Variants in ARHGAP26 observed in about 807,000 individuals in gnomAD.
ARHGAP26 encodes Rho GTPase activating protein 26.
Under a neutral mutation model 104.8 loss-of-function variants are expected in ARHGAP26, and 38 were observed. The ratio of observed to expected loss-of-function variants is 0.36; its 90% confidence interval spans 0.28 to 0.48. The LOEUF is 0.48. ARHGAP26 is among the 20% of genes least tolerant of loss of function. The pLI, the probability that ARHGAP26 is intolerant of heterozygous loss-of-function variation, is 0.99. For synonymous variants in ARHGAP26, 341 were observed against 340.0 expected (o/e 1.00, Z -0.03); for missense variants, 704 against 947.9 (o/e 0.74, Z 3.38).
chr5:142,966,650 T>G (rs1771389315), intron 11 of ARHGAP26, among the ~76,000 whole-genome samples: 1 of 152,228 alleles, frequency 6.6e-6, no homozygotes, highest in Admixed American at 6.5e-5. Context: ...GAAAAATGTA[T>G]TCCAAGTCTG....
chr5:143,023,175 A>G (rs1204266276), intron 12 of ARHGAP26, among the ~76,000 whole-genome samples: 2 of 152,054 alleles, frequency 1.3e-5, no homozygotes, highest in Non-Finnish European at 2.9e-5. Context: ...CTGTACATCC[A>G]CTCATCCTTC....
chr5:142,781,993 G>A (rs576656061), intron 1 of ARHGAP26, among the ~76,000 whole-genome samples: 1 of 152,346 alleles, frequency 6.6e-6, no homozygotes, highest in South Asian at 2.1e-4. Context: ...GGGATTACAG[G>A]CATGAGCCAC....
chr5:142,946,053 A>G (rs757151935), intron 11 of ARHGAP26, among the ~76,000 whole-genome samples: 1 of 152,194 alleles, frequency 6.6e-6, no homozygotes, highest in Non-Finnish European at 1.5e-5. Context: ...CTTGCAGTGT[A>G]TCTGGGAACT....
At chr5:143,199,638 A>C (rs1599481330) in intron 20 of ARHGAP26, among the ~76,000 whole-genome samples, 1 of 152,280 alleles carries the variant, frequency 6.6e-6, no homozygotes, top group South Asian at 2.1e-4. Flanking sequence ...TCTAACCTGG[A>C]AGGGGAACTG....
chr5:142,828,205 A>G (rs1237177304), intron 1 of ARHGAP26, among the ~76,000 whole-genome samples: 2 of 152,210 alleles, frequency 1.3e-5, no homozygotes, highest in African/African-American at 4.8e-5. Context: ...CAGGGGATGA[A>G]GTATCTGTTA....
At chr5:142,818,854 G>A (rs919102318) in intron 1 of ARHGAP26, among the ~76,000 whole-genome samples, 1 of 152,028 alleles carries the variant, frequency 6.6e-6, no homozygotes, top group African/African-American at 2.4e-5. Context: ...GGAGTAATGT[G>A]GAGGGGACCC....
At chr5:142,967,059 C>G (rs546531101) in intron 11 of ARHGAP26, among the ~76,000 whole-genome samples, 2 of 152,060 alleles carry the variant, frequency 1.3e-5, no homozygotes, top group African/African-American at 4.8e-5. Flanking sequence ...CTCACACATA[C>G]GTACAAAAAC....
chr5:143,188,845 G>A (rs1159593390), intron 20 of ARHGAP26, among the ~76,000 whole-genome samples: 1 of 152,242 alleles, frequency 6.6e-6, no homozygotes, highest in Non-Finnish European at 1.5e-5. Context: ...AAAAGGAGGT[G>A]TAATAACTGT....
intron 20 of ARHGAP26, among the ~76,000 whole-genome samples, chr5:143,163,216 G>A (rs752069624): frequency 6.6e-6 from 1 of 152,164 alleles, no homozygotes; most frequent in South Asian, 2.1e-4. Flanking sequence ...CTACGTATGT[G>A]GGGGAGCATT....
intron 18 of ARHGAP26, among the ~76,000 whole-genome samples, chr5:143,129,100 G>A (rs1378757581): frequency 6.6e-6 from 1 of 152,158 alleles, no homozygotes; most frequent in Non-Finnish European, 1.5e-5. Flanking sequence ...GGCCAGAGGG[G>A]GAATCAGTGA....
At chr5:143,114,809 G>C (rs367564227) in intron 17 of ARHGAP26, among the ~76,000 whole-genome samples, 43 of 152,246 alleles carry the variant, frequency 2.8e-4, no homozygotes, top group African/African-American at 1.0e-3. Context: ...TGACCGTGAC[G>C]TATCTCTTAG....
At position 143,055,939 on chromosome 5, in the gene ARHGAP26, T is replaced by C. The variant is rs955487986; in HGVS notation, c.1374-89T>C. 7 of 870,424 alleles carry C rather than the reference T, an allele frequency of 8.0e-6. No homozygotes were observed. In the Admixed American group the frequency reaches 1.6e-4, roughly 19 times the overall value. The allele number at this position is 870,424 out of a possible 1,614,324, so 53.9% of individuals were successfully genotyped here. A position where few individuals can be genotyped will look rare whatever the true frequency, so the allele number is the denominator to read the frequency against. ...GTGATCTTTGTCTTCGAGAAATGTATTACAGTTTGTCAGTCTCTAGGCTGC... is the reference window on the plus strand; with the variant it reads ...GTGATCTTTGTCTTCGAGAAATGTACTACAGTTTGTCAGTCTCTAGGCTGC... On this transcript the variant is annotated intron_variant, in intron 15 of 22. Transcript: ENST00000645722.
At chr5:143,051,741 G>A (rs532221917) in intron 14 of ARHGAP26, among the ~76,000 whole-genome samples, 13 of 152,270 alleles carry the variant, frequency 8.5e-5, no homozygotes, top group South Asian at 4.1e-4. Context: ...CTAATGTTAC[G>A]CAATATTCCT....
intron 20 of ARHGAP26, among the ~76,000 whole-genome samples, chr5:143,183,677 C>T (rs1447964640): frequency 1.3e-5 from 2 of 152,200 alleles, no homozygotes; most frequent in Non-Finnish European, 2.9e-5. Context: ...GGGGCCTCCT[C>T]GGACGCCACC....
chr5:142,811,734 A>G (rs555204034), intron 1 of ARHGAP26, among the ~76,000 whole-genome samples: 19 of 152,324 alleles, frequency 1.2e-4, no homozygotes, highest in Non-Finnish European at 2.8e-4. Flanking sequence ...TATTAGCACA[A>G]TGCCTGGCGT....
Position 142,907,747 on chromosome 5 carries a change from A to G in ARHGAP26, c.876A>G (p.Gln292=). ...TSWVKHYCTY[Q]RDSKQITMVP... is the part of the protein sequence containing the mutation. ...GGGTGAAGCACTACTGTACATATCA[A>G]CGGGATTCCAAACAAATCACCATGG... Residue 292 remains glutamine, a synonymous_variant, in exon 9 of 23, where the codon CAA becomes CAG. Coordinates refer to ENST00000645722, the MANE Select transcript of ARHGAP26 (RefSeq NM_001135608.3). 1 of 1,612,606 alleles carries G rather than the reference A, an allele frequency of 6.2e-7. No individual in the cohort carries two copies. Among genetic ancestry groups the G allele is most frequent in the Non-Finnish European group, 8.5e-7 (1 of 1,179,014 alleles).
At chr5:143,110,792 G>A (rs951097784) in intron 17 of ARHGAP26, among the ~76,000 whole-genome samples, 2 of 152,184 alleles carry the variant, frequency 1.3e-5, no homozygotes, top group Admixed American at 1.3e-4. Context: ...TTCTCTGCAC[G>A]TCTTTTTATA....
intron 12 of ARHGAP26, chr5:143,014,423 C>T: frequency 2.7e-6 from 1 of 375,544 alleles, no homozygotes; most frequent in Admixed American, 4.2e-5. Flanking sequence ...TAGCTCGTCA[C>T]CACTTAAAAG....
chr5:142,911,336 C>T (rs545073465), intron 9 of ARHGAP26, among the ~76,000 whole-genome samples: 3 of 152,310 alleles, frequency 2.0e-5, no homozygotes, highest in East Asian at 3.9e-4. Context: ...TCTAGCCACA[C>T]CAGCTGCCCT....
Sources: gnomAD v4.1 joint callset for allele counts (sites outside exome capture counted in the v4.1 genomes callset) on GRCh38, gnomAD v4.1.1 for gene constraint, MANE v1.5 for transcripts, NCBI Gene and HGNC (gene_info 2026-07-23, HGNC 2026-07-21) for gene names.